The following GRID2 variants were observed in gnomAD, a reference collection of about 807,000 sequenced individuals.
The protein encoded by GRID2 is glutamate ionotropic receptor delta type subunit 2, also known as glutamate receptor ionotropic, delta-2.
In GRID2, 33 loss-of-function variants were observed where a neutral mutation model predicts 114.8. That is an observed-to-expected ratio of 0.29 (90% CI 0.22 to 0.38). The LOEUF (loss-of-function observed/expected upper bound fraction) is 0.38. Ranked by LOEUF, GRID2 falls within the 10% of genes least tolerant of loss-of-function variation. The pLI, the probability that GRID2 is intolerant of heterozygous loss-of-function variation, is 1.00. For synonymous variants in GRID2, 505 were observed against 449.9 expected, an observed-to-expected ratio of 1.12 and a Z score of -1.55; for missense variants, 1,184 against 1,257.7, an observed-to-expected ratio of 0.94 and a Z score of 0.89.
intron 6 of GRID2, among the ~76,000 whole-genome samples, chr4:93,223,684 T>A (rs941075165): frequency 4.6e-5 from 7 of 152,186 alleles, no homozygotes; most frequent in East Asian, 3.8e-4. Flanking sequence ...TCATTTTTTT[T>A]ATTTTATATA....
intron 2 of GRID2, among the ~76,000 whole-genome samples, chr4:93,039,438 G>A (rs1421703950): frequency 6.6e-6 from 1 of 151,894 alleles, no homozygotes; most frequent in African/African-American, 2.4e-5. Context: ...TGCACATTCT[G>A]CACATGTACC....
intron 1 of GRID2, among the ~76,000 whole-genome samples, chr4:92,332,477 G>A (rs1164079662): frequency 1.3e-5 from 2 of 152,052 alleles, no homozygotes; most frequent in Middle Eastern, 3.2e-3. Context: ...AAACCACGGC[G>A]TTCCACCCCT....
intron 2 of GRID2, among the ~76,000 whole-genome samples, chr4:92,738,098 C>G (rs916955758): frequency 3.3e-5 from 5 of 152,106 alleles, no homozygotes; most frequent in African/African-American, 1.2e-4. Flanking sequence ...AGTTTCCTGA[C>G]TTTTTAATGA....
At chr4:93,331,897 G>A (rs1408247330) in intron 8 of GRID2, among the ~76,000 whole-genome samples, 1 of 152,046 alleles carries the variant, frequency 6.6e-6, no homozygotes, top group African/African-American at 2.4e-5. Flanking sequence ...TTATGGAACT[G>A]TTCTTCTTTT....
chr4:93,596,871 C>A (rs73839601), intron 13 of GRID2, among the ~76,000 whole-genome samples: 1 of 152,102 alleles, frequency 6.6e-6, no homozygotes, highest in African/African-American at 2.4e-5. Flanking sequence ...TGATTTAATA[C>A]GGATCTGGTT....
intron 13 of GRID2, among the ~76,000 whole-genome samples, chr4:93,604,326 T>G (rs1480685078): frequency 2.6e-5 from 4 of 152,194 alleles, no homozygotes. Context: ...GAACTGTAAT[T>G]AGACATAACT....
chr4:93,506,339 A>G (rs919885896), intron 12 of GRID2, among the ~76,000 whole-genome samples: 1 of 152,166 alleles, frequency 6.6e-6, no homozygotes, highest in African/African-American at 2.4e-5. Context: ...TTTGTAATCT[A>G]ATCTACCACA....
At chr4:92,809,943 C>A (rs935016003) in intron 2 of GRID2, among the ~76,000 whole-genome samples, 2 of 151,996 alleles carry the variant, frequency 1.3e-5, no homozygotes, top group African/African-American at 4.8e-5. Flanking sequence ...AGATGTTCAA[C>A]AAACGTTGGT....
rs1003510275 is a variant in GRID2 at position 92,921,185 on chromosome 4, G to A, written c.245-163810G>A. 3.9e-5 allele frequency among the ~76,000 whole-genome samples: 6 copies of A among 152,068 alleles called. No homozygotes were observed. In the East Asian group the frequency reaches 7.7e-4, roughly 20 times the overall value. The stretch of plus-strand genomic sequence containing the variant: ...ATTCATCATGTAGTTCTCATGCCAT[G>A]GTTTTCAGCTTCATCAGGTCCTTTA... On this transcript the variant is annotated intron_variant, in intron 2 of 15. Coordinates refer to ENST00000282020, the MANE Select transcript of GRID2 (RefSeq NM_001510.4).
intron 15 of GRID2, 55 bp from the exon 16 acceptor site, chr4:93,772,021 T>G (rs1428613421): frequency 9.7e-6 from 10 of 1,026,958 alleles, no homozygotes; most frequent in Non-Finnish European, 1.5e-5. Context: ...TTTTTTTTTT[T>G]AACCATCAAA....
At chr4:92,796,604 T>A (rs537645410) in intron 2 of GRID2, among the ~76,000 whole-genome samples, 106 of 151,992 alleles carry the variant, frequency 7.0e-4, no homozygotes, top group Non-Finnish European at 1.4e-3. Context: ...ATATATATAT[T>A]TTTCAGAGTA....
intron 8 of GRID2, among the ~76,000 whole-genome samples, chr4:93,386,049 A>C (rs1429239509): frequency 1.3e-5 from 2 of 152,146 alleles, no homozygotes; most frequent in African/African-American, 4.8e-5. Context: ...TTATTATTAA[A>C]AAAAAAATGT....
intron 1 of GRID2, among the ~76,000 whole-genome samples, chr4:92,539,480 T>C (rs1207994729): frequency 1.3e-5 from 2 of 152,188 alleles, no homozygotes; most frequent in Middle Eastern, 3.2e-3. Context: ...TCATTTCAAA[T>C]ATTAATTTAA....
At chr4:93,003,293 G>A (rs1419083354) in intron 2 of GRID2, among the ~76,000 whole-genome samples, 2 of 151,898 alleles carry the variant, frequency 1.3e-5, no homozygotes, top group South Asian at 2.1e-4. Flanking sequence ...ACTTGTAAAA[G>A]GTTTAATTGA....
At chr4:92,781,321 C>T (rs143229045) in intron 2 of GRID2, among the ~76,000 whole-genome samples, 366 of 152,080 alleles carry the variant, frequency 2.4e-3, no homozygotes, top group African/African-American at 8.4e-3. Context: ...GCAAAACTTA[C>T]CTAGGCTTTA....
intron 2 of GRID2, among the ~76,000 whole-genome samples, chr4:92,608,754 T>G (rs1729579764): frequency 6.6e-6 from 1 of 151,808 alleles, no homozygotes; most frequent in African/African-American, 2.4e-5. Flanking sequence ...TTAAGTGAGA[T>G]AATGTTTTAA....
chr4:93,097,966 G>T (rs1731368683), intron 3 of GRID2, among the ~76,000 whole-genome samples: 1 of 151,864 alleles, frequency 6.6e-6, no homozygotes, highest in Non-Finnish European at 1.5e-5. Flanking sequence ...ACCACAAGCA[G>T]TTTACCATTT....
At chr4:92,926,181 A>G (rs1749794848) in intron 2 of GRID2, among the ~76,000 whole-genome samples, 1 of 152,036 alleles carries the variant, frequency 6.6e-6, no homozygotes, top group Non-Finnish European at 1.5e-5. Context: ...GGTCCAAGTA[A>G]ATAAGAAGCG....
chr4:93,152,441 GA>G (rs1430263450), intron 4 of GRID2, among the ~76,000 whole-genome samples: 1 of 152,028 alleles, frequency 6.6e-6, no homozygotes, highest in Non-Finnish European at 1.5e-5. Flanking sequence ...GCTTTTCCAG[GA>G]AAAGCATGAG....
Sources: allele counts gnomAD v4.1 joint callset (sites outside exome capture counted in the v4.1 genomes callset), GRCh38; gene constraint gnomAD v4.1.1; transcripts MANE v1.5; gene names NCBI Gene and HGNC (gene_info 2026-07-23, HGNC 2026-07-21).